Variants in PREX2 observed in about 807,000 individuals in gnomAD.
PREX2 encodes phosphatidylinositol 3,4,5-trisphosphate-dependent Rac exchanger 2 protein.
PREX2 carries 107 observed loss-of-function variants against 203.2 expected under a neutral mutation model. That is an observed-to-expected ratio of 0.53 (90% CI 0.45 to 0.62). PREX2 has a LOEUF of 0.62. Ranked by LOEUF, PREX2 falls within the 20% of genes least tolerant of loss-of-function variation. PREX2 has a pLI of 0.00. For synonymous variants in PREX2, 672 were observed against 663.6 expected (o/e 1.01, Z -0.19); for missense variants, 1,777 against 1,955.9 (o/e 0.91, Z 1.72).
chr8:68,021,104 C>T (rs1468680299), intron 3 of PREX2, among the ~76,000 whole-genome samples: 1 of 152,102 alleles, frequency 6.6e-6, no homozygotes, highest in African/African-American at 2.4e-5. Context: ...TAGAAGGGAG[C>T]TTAGAGATCA....
intron 1 of PREX2, among the ~76,000 whole-genome samples, chr8:67,989,543 C>T (rs547624803): frequency 3.3e-5 from 5 of 152,146 alleles, no homozygotes; most frequent in Admixed American, 2.0e-4. Context: ...CCAAATTAGC[C>T]GAGATTACAT....
rs374634545 is a variant in PREX2, at chr8:68,080,857, T to G, written c.1878+19T>G. 3.2e-6 allele frequency: 4 copies of G among 1,258,994 alleles called. No individual in the cohort carries two copies. The highest frequency in any genetic ancestry group is 2.6e-5 in the South Asian group (2 of 78,190). 78.0% of individuals were successfully genotyped at this position (1,258,994 alleles called of 1,614,324 possible). On this transcript the variant is annotated intron_variant, in intron 17 of 39. Transcript: ENST00000288368. ...TGCTGAGGTAATGTAAATTAGCGTT[T>G]TAATTTAAATTTGTTATCATGACAT...
At chr8:68,105,745 A>G in intron 23 of PREX2, 1 of 177,806 alleles carries the variant, frequency 5.6e-6, no homozygotes, top group Non-Finnish European at 1.0e-5. Context: ...ATATATATAT[A>G]CATATATATG....
intron 1 of PREX2, among the ~76,000 whole-genome samples, chr8:67,980,582 T>C (rs1187944392): frequency 4.6e-5 from 7 of 152,220 alleles, no homozygotes; most frequent in African/African-American, 1.7e-4. Context: ...AGAACATTGC[T>C]GATACGGTTT....
rs938545236 is a variant in PREX2 at position 68,105,243 on chromosome 8, A to G, written c.2716-2866A>G. 42 of 1,367,700 alleles carry G rather than the reference A, an allele frequency of 3.1e-5. No individual in the cohort carries two copies. The Admixed American group carries it at 6.8e-4, about 22-fold the overall frequency. The allele number at this position is 1,367,700 out of a possible 1,614,324, so 84.7% of individuals were successfully genotyped here. On this transcript the variant is annotated intron_variant, in intron 23 of 39. Transcript: ENST00000288368. ...CAGCACATTTCCAGTACCTGTGACT[A>G]TGGAGTTCCTCCTGCTGCCTCCTCC...
intron 14 of PREX2, among the ~76,000 whole-genome samples, chr8:68,075,136 T>C (rs1809307096): frequency 6.6e-6 from 1 of 152,218 alleles, no homozygotes; most frequent in South Asian, 2.1e-4. Context: ...GCGGTCTTAC[T>C]GTGCTTTTTC....
At chr8:68,184,195 T>C (rs1482212937) in intron 35 of PREX2, among the ~76,000 whole-genome samples, 1 of 152,150 alleles carries the variant, frequency 6.6e-6, no homozygotes, top group Middle Eastern at 3.2e-3. Flanking sequence ...TAACCACATG[T>C]GGCCGCAGGT....
intron 11 of PREX2, among the ~76,000 whole-genome samples, chr8:68,062,544 G>T (rs974157922): frequency 6.6e-6 from 1 of 152,124 alleles, no homozygotes; most frequent in African/African-American, 2.4e-5. Context: ...GCTCCAAGAT[G>T]ACTTCCTATT....
At chr8:68,059,360 A>G (rs975762517) in intron 10 of PREX2, among the ~76,000 whole-genome samples, 19 of 151,988 alleles carry the variant, frequency 1.3e-4, no homozygotes, top group African/African-American at 7.3e-5. Context: ...CTTATTATCT[A>G]TGATGCCTGG....
intron 38 of PREX2, among the ~76,000 whole-genome samples, chr8:68,222,473 G>A (rs937607849): frequency 1.3e-5 from 2 of 150,954 alleles, no homozygotes; most frequent in Non-Finnish European, 2.9e-5. Context: ...TTAGATTATA[G>A]CTCATGGAAT....
At chr8:68,119,549 A>G (rs1810725822) in intron 28 of PREX2, 35 bp downstream of exon 28, 1 of 1,494,116 alleles carries the variant, frequency 6.7e-7, no homozygotes, top group South Asian at 1.1e-5. Flanking sequence ...TTTGTTCCAC[A>G]ACTAAACTGT....
At chr8:68,114,501 C>G (rs74352470) in intron 25 of PREX2, among the ~76,000 whole-genome samples, 6,681 of 152,196 alleles carry the variant, frequency 0.044, 443 homozygotes, top group African/African-American at 0.14. Context: ...TTAGCATGCT[C>G]TTTGATAATA....
intron 8 of PREX2, among the ~76,000 whole-genome samples, chr8:68,051,022 G>A (rs1808513569): frequency 1.3e-5 from 2 of 152,128 alleles, no homozygotes; most frequent in South Asian, 4.1e-4. Flanking sequence ...TGATTCAGTG[G>A]TGAGACACCC....
At chr8:67,956,972 A>G (rs984951610) in intron 1 of PREX2, among the ~76,000 whole-genome samples, 5 of 152,210 alleles carry the variant, frequency 3.3e-5, no homozygotes, top group African/African-American at 7.2e-5. Context: ...TCATTCGTAG[A>G]AGGGAGAACA....
At chr8:68,143,976 C>T (rs1325822259) in intron 33 of PREX2, among the ~76,000 whole-genome samples, 7 of 152,040 alleles carry the variant, frequency 4.6e-5, no homozygotes, top group Non-Finnish European at 2.9e-5. Flanking sequence ...ATCTTTGCTC[C>T]TTTGTCAGAG....
intron 35 of PREX2, 89 bp from the exon 36 acceptor site, chr8:68,191,633 A>G (rs3829023): frequency 3.3e-6 from 3 of 910,992 alleles, no homozygotes; most frequent in Non-Finnish European, 5.3e-6. Flanking sequence ...ACTTGTTTTT[A>G]AAAAAAAGTC....
chr8:68,167,543 G>A (rs866168075), intron 35 of PREX2, among the ~76,000 whole-genome samples: 69 of 152,158 alleles, frequency 4.5e-4, no homozygotes, highest in African/African-American at 1.5e-3. Context: ...ATGTTGGCCA[G>A]ATGGGTCCTG....
At chr8:67,978,100 G>A (rs1172429681) in intron 1 of PREX2, among the ~76,000 whole-genome samples, 1 of 152,094 alleles carries the variant, frequency 6.6e-6, no homozygotes, top group African/African-American at 2.4e-5. Flanking sequence ...GGTTAGTCTT[G>A]TGGGACCGAG....
At chr8:68,093,390 C>CAAA (rs56001927) in intron 20 of PREX2, among the ~76,000 whole-genome samples, 12 of 81,454 alleles carry the variant, frequency 1.5e-4, no homozygotes, top group South Asian at 8.4e-4. Flanking sequence ...AACTCCATCT[C>CAAA]AAAAAAAAAA....
Sources: gnomAD v4.1 joint callset for allele counts (sites outside exome capture counted in the v4.1 genomes callset) on GRCh38, gnomAD v4.1.1 for gene constraint, MANE v1.5 for transcripts, NCBI Gene and HGNC (gene_info 2026-07-23, HGNC 2026-07-21) for gene names.